The following TRDN variants were observed in gnomAD, a reference collection of about 807,000 sequenced individuals.
TRDN encodes triadin.
A neutral mutation model predicts 149.7 loss-of-function variants in TRDN; 161 were observed. That is an observed-to-expected ratio of 1.08 (90% CI 0.95 to 1.23). The LOEUF (loss-of-function observed/expected upper bound fraction) is 1.23, where lower values mean the gene tolerates loss of function less well. Ranked by LOEUF, TRDN falls within the 50% of genes most tolerant of loss-of-function variation. The pLI, the probability that TRDN is intolerant of heterozygous loss-of-function variation, is 0.00. For missense variants in TRDN, 896 were observed against 823.5 expected (o/e 1.09, Z -1.08); for synonymous variants, 294 against 250.5 (o/e 1.17, Z -1.64).
intron 24 of TRDN, among the ~76,000 whole-genome samples, chr6:123,306,396 G>C (rs534687180): frequency 1.3e-5 from 2 of 152,170 alleles, no homozygotes; most frequent in East Asian, 3.9e-4. Context: ...TTTCAGATAA[G>C]GATGTTGATC....
chr6:123,633,202 G>C (rs933739411), intron 1 of TRDN, among the ~76,000 whole-genome samples: 1 of 151,998 alleles, frequency 6.6e-6, no homozygotes, highest in Admixed American at 6.6e-5. Flanking sequence ...CAGCAACTTG[G>C]ATACATTACA....
Position 123,584,970 on chromosome 6 carries a change from T to A in TRDN, c.23-13838A>T, listed in dbSNP as rs561691735. On this transcript the variant is annotated intron_variant, in intron 1 of 40. Transcript: ENST00000334268. ...GTAAGGAGAGTTTATAGGCTTTAAA[T>A]GGCCATGCTGTAGCAGGCAAGTGAT... Among the ~76,000 whole-genome samples the A allele has an allele frequency of 8.8e-3, 1,335 of 151,726 alleles. 12 individuals are homozygous for A. The highest frequency in any genetic ancestry group is 0.025 in the African/African-American group (1,047 of 41,164).
chr6:123,368,525 G>C (rs1225430956), intron 19 of TRDN, among the ~76,000 whole-genome samples: 1 of 152,160 alleles, frequency 6.6e-6, no homozygotes, highest in Non-Finnish European at 1.5e-5. Flanking sequence ...TGAGCCCTGA[G>C]TATTGGTATA....
At chr6:123,222,402 CT>C (rs539877672) in intron 39 of TRDN, among the ~76,000 whole-genome samples, 2 of 151,450 alleles carry the variant, frequency 1.3e-5, no homozygotes, top group Non-Finnish European at 3.0e-5. Context: ...CTAGGGAGAC[CT>C]ACAGTTGATC....
intron 14 of TRDN, among the ~76,000 whole-genome samples, chr6:123,383,488 A>G (rs1781795565): frequency 6.6e-6 from 1 of 152,044 alleles, no homozygotes; most frequent in Non-Finnish European, 1.5e-5. Context: ...TTTTCTCAGG[A>G]TATTGCTTTG....
At chr6:123,606,747 A>C (rs1583315960) in intron 1 of TRDN, among the ~76,000 whole-genome samples, 1 of 152,342 alleles carries the variant, frequency 6.6e-6, no homozygotes, top group Admixed American at 6.5e-5. Flanking sequence ...TTTATTATGT[A>C]GCAATTTTCA....
chr6:123,493,848 A>C lies in TRDN; in HGVS notation c.853+3345T>G, dbSNP rs1033851296. 8.5e-5 allele frequency among the ~76,000 whole-genome samples: 13 copies of C among 152,156 alleles called. 1 individual carries two copies. Among genetic ancestry groups the C allele is most frequent in the Admixed American group, 8.5e-4 (13 of 15,264 alleles). ...TGCCCAGATTAAATCTGTGTTTCTC[A>C]TTCCTTATTTTCAAAAATGCAAGTC... is the stretch of plus-strand genomic sequence containing the variant. On this transcript the variant is annotated intron_variant, in intron 9 of 40. Transcript: ENST00000334268.
chr6:123,226,889 A>G (rs1775394148), intron 38 of TRDN, among the ~76,000 whole-genome samples: 1 of 151,828 alleles, frequency 6.6e-6, no homozygotes, highest in South Asian at 2.1e-4. Context: ...GAAAATGTTT[A>G]ATGAAGGAAG....
intron 23 of TRDN, among the ~76,000 whole-genome samples, chr6:123,317,398 T>G (rs989403719): frequency 6.6e-6 from 1 of 151,940 alleles, no homozygotes; most frequent in African/African-American, 2.4e-5. Context: ...CCAGCTTTAT[T>G]TGGGTTTTAG....
chr6:123,461,392 C>T (rs1776440202), intron 10 of TRDN, among the ~76,000 whole-genome samples: 1 of 152,148 alleles, frequency 6.6e-6, no homozygotes, highest in Non-Finnish European at 1.5e-5. Flanking sequence ...GATAGTAATT[C>T]ACCTTTCTCT....
At chr6:123,587,296 C>T (rs574487977) in intron 1 of TRDN, among the ~76,000 whole-genome samples, 1 of 152,062 alleles carries the variant, frequency 6.6e-6, no homozygotes, top group Non-Finnish European at 1.5e-5. Flanking sequence ...CCATGACTGG[C>T]GCCAGAGTTT....
chr6:123,614,271 G>C (rs1382005111), intron 1 of TRDN, among the ~76,000 whole-genome samples: 1 of 135,856 alleles, frequency 7.4e-6, no homozygotes, highest in Admixed American at 7.6e-5. Context: ...GAATGTTACC[G>C]TGGGAAAGTG....
chr6:123,350,900 T>C (rs909321675), intron 21 of TRDN: 5 of 984,196 alleles, frequency 5.1e-6, no homozygotes, highest in South Asian at 4.7e-5. Context: ...AGGAGTAAGA[T>C]CCTATCTCTA....
At chr6:123,223,001 T>C (rs555341781) in intron 39 of TRDN, among the ~76,000 whole-genome samples, 1 of 151,804 alleles carries the variant, frequency 6.6e-6, no homozygotes, top group Admixed American at 6.6e-5. Flanking sequence ...AAATAACATA[T>C]GTTGAGGAGC....
intron 39 of TRDN, among the ~76,000 whole-genome samples, chr6:123,223,861 A>T (rs1239852196): frequency 6.6e-6 from 1 of 151,724 alleles, no homozygotes; most frequent in Non-Finnish European, 1.5e-5. Flanking sequence ...AATGCATCTG[A>T]CAATTGTAAA....
chr6:123,389,045 C>T (rs182651107), intron 13 of TRDN, among the ~76,000 whole-genome samples: 24 of 152,182 alleles, frequency 1.6e-4, no homozygotes, highest in Admixed American at 1.4e-3. Flanking sequence ...AAATAAATAT[C>T]CTACCCTCCT....
chr6:123,279,559 A>G (rs1777508712), intron 24 of TRDN, among the ~76,000 whole-genome samples: 1 of 151,772 alleles, frequency 6.6e-6, no homozygotes, highest in Admixed American at 6.6e-5. Flanking sequence ...GCCATCTAGT[A>G]CCTGTCTGTC....
intron 9 of TRDN, among the ~76,000 whole-genome samples, chr6:123,484,464 T>C (rs1481281800): frequency 6.6e-6 from 1 of 152,200 alleles, no homozygotes; most frequent in African/African-American, 2.4e-5. Context: ...TTAAAATACA[T>C]GGTGCATTAA....
intron 12 of TRDN, among the ~76,000 whole-genome samples, chr6:123,419,087 T>G (rs965414312): frequency 2.0e-5 from 3 of 151,658 alleles, no homozygotes; most frequent in Non-Finnish European, 4.4e-5. Flanking sequence ...AAGAAACTGA[T>G]AGATCCAGTT....
Sources: allele counts gnomAD v4.1 joint callset (sites outside exome capture counted in the v4.1 genomes callset), GRCh38; gene constraint gnomAD v4.1.1; transcripts MANE v1.5; gene names NCBI Gene and HGNC (gene_info 2026-07-23, HGNC 2026-07-21).